Variants in DOK6 observed in about 807,000 individuals in gnomAD.
DOK6 encodes the protein docking protein 6.
In DOK6, 22 loss-of-function variants were observed where a neutral mutation model predicts 44.0. The observed-to-expected ratio is 0.50, with a 90% confidence interval of 0.36 to 0.71. The LOEUF is 0.71. Among genes scored for constraint, DOK6 ranks in the 30% least tolerant of loss-of-function variants. DOK6 has a pLI of 0.00. For synonymous variants in DOK6, 166 were observed against 145.5 expected, an observed-to-expected ratio of 1.14 and a Z score of -1.01; for missense variants, 340 against 416.4, an observed-to-expected ratio of 0.82 and a Z score of 1.60.
chr18:69,702,750 C>A (rs949349767), intron 5 of DOK6, among the ~76,000 whole-genome samples: 8 of 152,072 alleles, frequency 5.3e-5, no homozygotes, highest in African/African-American at 1.9e-4. Flanking sequence ...GAGATCAAAC[C>A]AGAACTTCAC....
At chr18:69,685,226 A>T (rs73970224) in intron 4 of DOK6, among the ~76,000 whole-genome samples, 24,434 of 151,512 alleles carry the variant, frequency 0.16, 2,332 homozygotes, top group Admixed American at 0.28. Context: ...TCGATTATCC[A>T]TTTTTTTTTC....
chr18:69,475,676 A>G (rs1313067731), intron 1 of DOK6, among the ~76,000 whole-genome samples: 1 of 152,136 alleles, frequency 6.6e-6, no homozygotes, highest in Non-Finnish European at 1.5e-5. Context: ...TGTTCACTTT[A>G]TATCTTGTTC....
intron 1 of DOK6, among the ~76,000 whole-genome samples, chr18:69,554,788 C>T (rs1401498449): frequency 2.0e-5 from 3 of 152,188 alleles, no homozygotes; most frequent in Non-Finnish European, 4.4e-5. Context: ...CTTACCAACA[C>T]TTGGTATTAT....
At chr18:69,734,844 G>A (rs184557830) in intron 5 of DOK6, among the ~76,000 whole-genome samples, 109 of 152,242 alleles carry the variant, frequency 7.2e-4, no homozygotes, top group African/African-American at 2.5e-3. Context: ...TTTTGACTTG[G>A]TAAATTTCTT....
intron 7 of DOK6, among the ~76,000 whole-genome samples, chr18:69,810,180 C>A (rs1161076985): frequency 6.6e-6 from 1 of 151,902 alleles, no homozygotes; most frequent in Admixed American, 6.6e-5. Flanking sequence ...TAAATCCACA[C>A]ATTTATGGTC....
chr18:69,819,080 C>T (rs1568135297), intron 7 of DOK6, among the ~76,000 whole-genome samples: 2 of 152,112 alleles, frequency 1.3e-5, no homozygotes, highest in South Asian at 4.1e-4. Context: ...CATCTAGAAC[C>T]TAGGAATATC....
chr18:69,811,742 T>C (rs950774285), intron 7 of DOK6, among the ~76,000 whole-genome samples: 3 of 151,932 alleles, frequency 2.0e-5, no homozygotes, highest in African/African-American at 4.8e-5. Flanking sequence ...GATTCTGATA[T>C]ATGCTTAAAT....
chr18:69,572,671 G>C (rs983930341), intron 2 of DOK6, among the ~76,000 whole-genome samples: 1 of 151,880 alleles, frequency 6.6e-6, no homozygotes, highest in African/African-American at 2.4e-5. Flanking sequence ...TAGAAATCTA[G>C]GGAAAAGAAC....
chr18:69,775,650 CAG>C (rs1259957388), intron 7 of DOK6, among the ~76,000 whole-genome samples: 3 of 150,844 alleles, frequency 2.0e-5, no homozygotes, highest in Non-Finnish European at 4.4e-5. Flanking sequence ...AATATTATAA[CAG>C]ACACTATAAA....
intron 3 of DOK6, among the ~76,000 whole-genome samples, chr18:69,624,972 T>A (rs1368985070): frequency 6.6e-6 from 1 of 152,118 alleles, no homozygotes; most frequent in African/African-American, 2.4e-5. Context: ...CACCTAAAAA[T>A]TTTTATTAAG....
intron 3 of DOK6, among the ~76,000 whole-genome samples, chr18:69,621,878 T>TA (rs926697206): frequency 1.3e-5 from 2 of 152,096 alleles, no homozygotes; most frequent in South Asian, 2.1e-4. Flanking sequence ...TTTTGAAAAA[T>TA]AAAAAATGAT....
intron 7 of DOK6, among the ~76,000 whole-genome samples, chr18:69,835,408 T>G (rs1982020179): frequency 1.3e-5 from 2 of 151,446 alleles, no homozygotes; most frequent in Admixed American, 6.6e-5. Context: ...GAGCTTGCAG[T>G]GAGCCAAAAT....
intron 3 of DOK6, among the ~76,000 whole-genome samples, chr18:69,664,099 G>A (rs560119677): frequency 6.6e-6 from 1 of 152,136 alleles, no homozygotes; most frequent in African/African-American, 2.4e-5. Flanking sequence ...AATTTTAAAT[G>A]TACTAATGCA....
At chr18:69,638,792 AAT>A (rs1334801462) in intron 3 of DOK6, among the ~76,000 whole-genome samples, 1 of 152,204 alleles carries the variant, frequency 6.6e-6, no homozygotes, top group Non-Finnish European at 1.5e-5. Flanking sequence ...TGTTTAAGAA[AAT>A]ATGTTAATGT....
chr18:69,738,992 CA>C lies in DOK6; in HGVS notation c.628del (p.Thr210LeufsTer9). On this transcript the variant is annotated frameshift_variant, in exon 6 of 8. Transcript: ENST00000382713. LOFTEE classifies it high-confidence loss of function. ...RMCDTGEGLFTFQTREGEMIY... is the reference protein window; with the variant it reads ...RMCDTGEGLFXFQTREGEMIY... ...TGTGTGACACAGGAGAAGGACTATT[CA>C]CTTTTCAAACAAGGGAAGGAGAAAT... The C allele has an allele frequency of 6.2e-7, 1 of 1,614,066 alleles. No individual in the cohort carries two copies. The highest frequency in any genetic ancestry group is 8.5e-7 in the Non-Finnish European group (1 of 1,179,932).
At chr18:69,788,672 T>G (rs550776920) in intron 7 of DOK6, among the ~76,000 whole-genome samples, 23 of 152,316 alleles carry the variant, frequency 1.5e-4, no homozygotes, top group African/African-American at 5.3e-4. Context: ...ATTAGTGTAA[T>G]CAGAATGTGT....
At position 69,616,146 on chromosome 18, in the gene DOK6, C is replaced by T. The variant is rs111344906; in HGVS notation, c.289+16648C>T. On this transcript the variant is annotated intron_variant, in intron 3 of 7. Transcript: ENST00000382713. ...TGGCATAAGAATAAAATCCAGAAAT[C>T]CAGTACATATCCTGAGAGGCTTCTC... 3.5e-3 allele frequency among the ~76,000 whole-genome samples: 528 copies of T among 152,280 alleles called. 5 individuals are homozygous for T. In the Middle Eastern group the frequency reaches 0.044, roughly 13 times the overall value.
chr18:69,836,406 A>T (rs894073908), intron 7 of DOK6, among the ~76,000 whole-genome samples: 1 of 152,150 alleles, frequency 6.6e-6, no homozygotes, highest in African/African-American at 2.4e-5. Context: ...GCATGTATAC[A>T]TACCTTAGTG....
intron 5 of DOK6, among the ~76,000 whole-genome samples, chr18:69,709,355 A>T (rs1391570721): frequency 6.6e-6 from 1 of 152,182 alleles, no homozygotes; most frequent in East Asian, 1.9e-4. Flanking sequence ...TTAGTCAAAT[A>T]GATTAACTTA....
Sources: allele counts gnomAD v4.1 joint callset (sites outside exome capture counted in the v4.1 genomes callset), GRCh38; gene constraint gnomAD v4.1.1; transcripts MANE v1.5; gene names NCBI Gene and HGNC (gene_info 2026-07-23, HGNC 2026-07-21).